GRID2: variants seen among roughly 807,000 people sequenced by gnomAD.
GRID2 encodes the protein glutamate ionotropic receptor delta type subunit 2.
In GRID2, 33 loss-of-function variants were observed where a neutral mutation model predicts 114.8. The ratio of observed to expected loss-of-function variants is 0.29; its 90% CI spans 0.22 to 0.38. GRID2 has a LOEUF of 0.38. GRID2 is among the 10% of genes least tolerant of loss of function. The probability of loss-of-function intolerance (pLI) is 1.00; values close to 1 mark genes in which losing one functional copy is unlikely to be tolerated. For synonymous variants in GRID2, 505 were observed against 449.9 expected (o/e 1.12, Z -1.55); for missense variants, 1,184 against 1,257.7 (o/e 0.94, Z 0.89).
intron 2 of GRID2, among the ~76,000 whole-genome samples, chr4:92,740,742 G>A (rs113084095): frequency 2.6e-4 from 29 of 111,544 alleles, no homozygotes; most frequent in African/African-American, 8.6e-4. Context: ...ATAGATAGAT[G>A]GATAGATAGA....
At chr4:92,794,471 G>C (rs1330319140) in intron 2 of GRID2, among the ~76,000 whole-genome samples, 1 of 151,720 alleles carries the variant, frequency 6.6e-6, no homozygotes, top group African/African-American at 2.4e-5. Context: ...TCTCTTCCAT[G>C]TGTGACTAGC....
At chr4:92,938,440 T>C (rs1347443279) in intron 2 of GRID2, among the ~76,000 whole-genome samples, 2 of 146,890 alleles carry the variant, frequency 1.4e-5, no homozygotes, top group South Asian at 2.3e-4. Context: ...GAGAAATAAC[T>C]ATTTTCCAAG....
At chr4:92,810,164 C>G (rs1413361081) in intron 2 of GRID2, among the ~76,000 whole-genome samples, 1 of 151,514 alleles carries the variant, frequency 6.6e-6, no homozygotes, top group African/African-American at 2.4e-5. Context: ...TCACTTATGT[C>G]TCTGAAAGAA....
At chr4:93,312,651 T>G (rs1295290585) in intron 8 of GRID2, among the ~76,000 whole-genome samples, 1 of 152,188 alleles carries the variant, frequency 6.6e-6, no homozygotes, top group Non-Finnish European at 1.5e-5. Context: ...CTAAAAATAT[T>G]TCTTTTCCCC....
At chr4:92,601,279 G>C (rs1413801582) in intron 2 of GRID2, among the ~76,000 whole-genome samples, 1 of 152,172 alleles carries the variant, frequency 6.6e-6, no homozygotes, top group Non-Finnish European at 1.5e-5. Flanking sequence ...CACATAATTA[G>C]AAGTAACACA....
At chr4:93,621,231 T>A (rs929883856) in intron 13 of GRID2, among the ~76,000 whole-genome samples, 6 of 152,334 alleles carry the variant, frequency 3.9e-5, no homozygotes, top group African/African-American at 1.4e-4. Flanking sequence ...GGGGAGTCTA[T>A]TGATATCTCA....
At chr4:92,898,823 T>C (rs1189185633) in intron 2 of GRID2, among the ~76,000 whole-genome samples, 2 of 152,174 alleles carry the variant, frequency 1.3e-5, no homozygotes, top group African/African-American at 4.8e-5. Context: ...GAAATGTGCA[T>C]GGTTACTCGA....
intron 4 of GRID2, among the ~76,000 whole-genome samples, chr4:93,163,415 A>C (rs992712934): frequency 1.1e-4 from 15 of 131,462 alleles, no homozygotes; most frequent in Non-Finnish European, 4.7e-5. Flanking sequence ...ATATATATAC[A>C]TACATGTATA....
At chr4:93,438,760 C>T (rs1233630657) in intron 10 of GRID2, among the ~76,000 whole-genome samples, 1 of 151,904 alleles carries the variant, frequency 6.6e-6, no homozygotes, top group African/African-American at 2.4e-5. Flanking sequence ...TATACATGTG[C>T]CATGTTGGTG....
At chr4:92,710,054 G>T (rs967867256) in intron 2 of GRID2, among the ~76,000 whole-genome samples, 25 of 151,860 alleles carry the variant, frequency 1.6e-4, no homozygotes, top group African/African-American at 6.0e-4. Context: ...TTATATGTTT[G>T]ACATACAGTT....
At chr4:93,802,335 T>G (rs1219727382) in intron 1 of GRID2, among the ~76,000 whole-genome samples, 1 of 152,040 alleles carries the variant, frequency 6.6e-6, no homozygotes, top group Non-Finnish European at 1.5e-5. Flanking sequence ...AGCCCTGACA[T>G]AAACCACCCA....
At chr4:93,682,026 A>G (rs1465397917) in intron 14 of GRID2, among the ~76,000 whole-genome samples, 3 of 151,516 alleles carry the variant, frequency 2.0e-5, no homozygotes, top group African/African-American at 7.3e-5. Flanking sequence ...TTCACAACCT[A>G]CTCATCTGAC....
At chr4:93,517,023 A>G (rs2149492713) in intron 13 of GRID2, among the ~76,000 whole-genome samples, 1 of 152,106 alleles carries the variant, frequency 6.6e-6, no homozygotes, top group East Asian at 1.9e-4. Flanking sequence ...AATCCAGCTC[A>G]TTTTTTTAAA....
chr4:93,766,259 A>G (rs1272251925), intron 14 of GRID2, among the ~76,000 whole-genome samples: 2 of 152,216 alleles, frequency 1.3e-5, no homozygotes, highest in Admixed American at 1.3e-4. Flanking sequence ...TTATAAAGAA[A>G]GAAGTTTAAT....
At chr4:93,125,379 GAT>G (rs1734172359) in intron 4 of GRID2, among the ~76,000 whole-genome samples, 2 of 151,862 alleles carry the variant, frequency 1.3e-5, no homozygotes, top group South Asian at 4.1e-4. Flanking sequence ...CTGATTCTCT[GAT>G]ATATATACAT....
intron 14 of GRID2, among the ~76,000 whole-genome samples, chr4:93,631,526 C>A (rs561791713): frequency 6.6e-6 from 1 of 152,168 alleles, no homozygotes; most frequent in African/African-American, 2.4e-5. Context: ...TCATCTATGT[C>A]CCTACAAAGG....
At chr4:92,728,632 G>A (rs981889901) in intron 2 of GRID2, among the ~76,000 whole-genome samples, 1 of 151,858 alleles carries the variant, frequency 6.6e-6, no homozygotes, top group African/African-American at 2.4e-5. Flanking sequence ...TCTCTTTGCT[G>A]TATTCTGTTT....
At chr4:92,766,409 C>T (rs567062567) in intron 2 of GRID2, among the ~76,000 whole-genome samples, 71 of 151,812 alleles carry the variant, frequency 4.7e-4, no homozygotes, top group Admixed American at 3.9e-3. Flanking sequence ...TGGTGGTGGG[C>T]GCCTGTAGTC....
downstream of GRID2, among the ~76,000 whole-genome samples, chr4:93,774,905 A>T (rs1344600014): frequency 6.6e-6 from 1 of 151,662 alleles, no homozygotes; most frequent in East Asian, 1.9e-4. Flanking sequence ...GTGTTACATC[A>T]AAAAAAATAA....
Sources: gnomAD v4.1 joint callset for allele counts (sites outside exome capture counted in the v4.1 genomes callset) on GRCh38, gnomAD v4.1.1 for gene constraint, MANE v1.5 for transcripts, NCBI Gene and HGNC (gene_info 2026-07-23, HGNC 2026-07-21) for gene names.